The following OCA2 variants were observed in gnomAD, a reference collection of about 807,000 sequenced individuals.
The protein encoded by OCA2 is P protein.
Under a neutral mutation model 100.2 loss-of-function variants are expected in OCA2, and 77 were observed. That is an observed-to-expected ratio of 0.77 (90% confidence interval 0.64 to 0.93). OCA2 has a LOEUF of 0.93. Ranked by LOEUF, OCA2 falls within the 40% of genes least tolerant of loss-of-function variation. The pLI, the probability that OCA2 is intolerant of heterozygous loss-of-function variation, is 0.00. For synonymous variants in OCA2, 432 were observed against 439.2 expected (o/e 0.98, Z 0.21); for missense variants, 1,062 against 1,089.1 (o/e 0.98, Z 0.35).
At chr15:27,801,042 T>TG (rs2033581666) in intron 23 of OCA2, among the ~76,000 whole-genome samples, 1 of 152,110 alleles carries the variant, frequency 6.6e-6, no homozygotes, top group African/African-American at 2.4e-5. Flanking sequence ...GTTTGACTGG[T>TG]GAATTGTACC....
chr15:27,918,483 T>C (rs377319742), intron 19 of OCA2, among the ~76,000 whole-genome samples: 8 of 152,338 alleles, frequency 5.3e-5, no homozygotes, highest in African/African-American at 1.9e-4. Flanking sequence ...CCCGTAGTTG[T>C]AGTCAGAAAT....
intron 19 of OCA2, among the ~76,000 whole-genome samples, chr15:27,895,080 T>A (rs999300824): frequency 7.9e-5 from 12 of 152,154 alleles, no homozygotes; most frequent in African/African-American, 2.7e-4. Flanking sequence ...AATTCCTGGG[T>A]CTTCTGTAGG....
chr15:28,053,214 C>T (rs949901987), intron 2 of OCA2, among the ~76,000 whole-genome samples: 1 of 151,974 alleles, frequency 6.6e-6, no homozygotes, highest in Non-Finnish European at 1.5e-5. Flanking sequence ...GTCATTGGTA[C>T]CTTTCCTTGG....
intron 14 of OCA2, among the ~76,000 whole-genome samples, chr15:27,982,572 GCGGC>G (rs2041203708): frequency 6.6e-6 from 1 of 152,172 alleles, no homozygotes; most frequent in South Asian, 2.1e-4. Flanking sequence ...CTTCCATGAA[GCGGC>G]CATTAACACC....
intron 13 of OCA2, 43 bp from the exon 14 acceptor site, chr15:27,983,526 A>C (rs1257297126): frequency 6.2e-7 from 1 of 1,608,998 alleles, no homozygotes; most frequent in Non-Finnish European, 8.5e-7. Context: ...CACTATACAC[A>C]TCGTGAAAGG....
At chr15:27,904,786 AG>A (rs201373503) in intron 19 of OCA2, among the ~76,000 whole-genome samples, 2,624 of 152,274 alleles carry the variant, frequency 0.017, 76 homozygotes, top group African/African-American at 0.06. Flanking sequence ...TTGCCTGGGT[AG>A]GCCTCTGAAA....
intron 2 of OCA2, among the ~76,000 whole-genome samples, chr15:28,071,172 T>A (rs1166021729): frequency 1.4e-4 from 18 of 126,048 alleles, no homozygotes; most frequent in East Asian, 7.0e-4. Context: ...AAAAATAAAT[T>A]AAAAAAAAAA....
chr15:27,739,231 T>A, the OCA2 span, among the ~76,000 whole-genome samples: 6 of 152,192 alleles, frequency 3.9e-5, no homozygotes, highest in East Asian at 1.2e-3. Context: ...GCAGCATCCT[T>A]TAAGGAGAAC....
At chr15:28,067,203 T>C (rs1276174121) in intron 2 of OCA2, among the ~76,000 whole-genome samples, 1 of 152,232 alleles carries the variant, frequency 6.6e-6, no homozygotes, top group Non-Finnish European at 1.5e-5. Context: ...CATAAATTCA[T>C]CTTATAGACT....
intron 23 of OCA2, among the ~76,000 whole-genome samples, chr15:27,803,711 G>A (rs953807392): frequency 2.6e-5 from 4 of 152,170 alleles, no homozygotes; most frequent in South Asian, 2.1e-4. Context: ...TGAACTGAAC[G>A]TGTAAAATGG....
At chr15:28,027,194 T>A (rs1294313663) in intron 4 of OCA2, among the ~76,000 whole-genome samples, 1 of 152,152 alleles carries the variant, frequency 6.6e-6, no homozygotes, top group Admixed American at 6.5e-5. Context: ...ACGCTCGGCC[T>A]CCCACGCATG....
At position 28,013,730 on chromosome 15, in the gene OCA2, G is replaced by T. The variant is rs376531981; in HGVS notation, c.1044+1046C>A. 3.3e-5 allele frequency among the ~76,000 whole-genome samples: 5 copies of T among 152,248 alleles called. No homozygotes were observed. The East Asian group carries it at 9.7e-4, about 29-fold the overall frequency. On this transcript the variant is annotated intron_variant, in intron 9 of 23. Coordinates refer to ENST00000354638, the MANE Select transcript of OCA2 (RefSeq NM_000275.3). ...CCAGGCTCAGCAGGTTTCCACTGCCGGGCATGGCAATAAACCCCAGCCCAG... is the reference window on the plus strand; with the variant it reads ...CCAGGCTCAGCAGGTTTCCACTGCCTGGCATGGCAATAAACCCCAGCCCAG...
At chr15:27,807,692 T>C (rs535724753) in intron 23 of OCA2, among the ~76,000 whole-genome samples, 1 of 152,188 alleles carries the variant, frequency 6.6e-6, no homozygotes, top group South Asian at 2.1e-4. Flanking sequence ...CGGAAGAAAA[T>C]GGACTTTAAA....
At chr15:28,058,557 C>G (rs541908240) in intron 2 of OCA2, among the ~76,000 whole-genome samples, 1 of 152,292 alleles carries the variant, frequency 6.6e-6, no homozygotes, top group East Asian at 1.9e-4. Flanking sequence ...CTCCCTGTCA[C>G]CTCCTCATCC....
chr15:27,927,028 G>A (rs1291964433), intron 18 of OCA2, among the ~76,000 whole-genome samples: 1 of 152,134 alleles, frequency 6.6e-6, no homozygotes, highest in African/African-American at 2.4e-5. Context: ...GATGGCTCAC[G>A]CCTGTAATCC....
At chr15:27,757,797 C>T (rs1388029906) in intron 23 of OCA2, among the ~76,000 whole-genome samples, 1 of 152,220 alleles carries the variant, frequency 6.6e-6, no homozygotes, top group Admixed American at 6.5e-5. Flanking sequence ...CAGACCAGTG[C>T]TCCTCAAACC....
Position 28,081,868 on chromosome 15 carries a change from G to A in OCA2, c.7C>T (p.Leu3=). 2 of 1,610,390 alleles carry A rather than the reference G, an allele frequency of 1.2e-6. No homozygotes were observed. Among genetic ancestry groups the A allele is most frequent in the South Asian group, 2.2e-5 (2 of 90,874 alleles). ...TACCGCCTGCCGTCTCTGCCCTCCAGATGCATGCTCCACTGCCAGTCTTCT... is the reference window on the plus strand; with the variant it reads ...TACCGCCTGCCGTCTCTGCCCTCCAAATGCATGCTCCACTGCCAGTCTTCT... MH[L]EGRDGRRYPG... Residue 3 remains leucine (L), a synonymous_variant, in exon 2 of 24, where the codon CTG becomes TTG. Coordinates refer to ENST00000354638, the MANE Select transcript of OCA2 (RefSeq NM_000275.3).
intron 23 of OCA2, among the ~76,000 whole-genome samples, chr15:27,808,687 A>G (rs963481704): frequency 2.6e-5 from 4 of 152,180 alleles, no homozygotes; most frequent in Admixed American, 1.3e-4. Context: ...GGTAGGGAGC[A>G]CTGCGCACTT....
At chr15:27,802,956 T>A (rs1260359326) in intron 23 of OCA2, among the ~76,000 whole-genome samples, 7 of 152,192 alleles carry the variant, frequency 4.6e-5, no homozygotes, top group Non-Finnish European at 8.8e-5. Context: ...AAGACACTGT[T>A]AAAAAGAATG....
Sources: allele counts gnomAD v4.1 joint callset (sites outside exome capture counted in the v4.1 genomes callset), GRCh38; gene constraint gnomAD v4.1.1; transcripts MANE v1.5; gene names NCBI Gene and HGNC (gene_info 2026-07-23, HGNC 2026-07-21).